ARID1B: variants seen among roughly 807,000 people sequenced by gnomAD.
The protein encoded by ARID1B is AT-rich interaction domain 1B, also known as AT-rich interactive domain-containing protein 1B.
Under a neutral mutation model 212.3 loss-of-function variants are expected in ARID1B, and 30 were observed. That is an observed-to-expected ratio of 0.14 (90% CI 0.11 to 0.19). The LOEUF (loss-of-function observed/expected upper bound fraction) is 0.19. Ranked by LOEUF, ARID1B falls within the 10% of genes least tolerant of loss-of-function variation. The pLI is 1.00. For missense variants in ARID1B, 2,891 were observed against 3,204.0 expected, an observed-to-expected ratio of 0.90 and a Z score of 2.36; for synonymous variants, 1,402 against 1,301.7, an observed-to-expected ratio of 1.08 and a Z score of -1.66.
chr6:156,877,576 C>T (rs1325183541), intron 2 of ARID1B, among the ~76,000 whole-genome samples: 1 of 152,040 alleles, frequency 6.6e-6, no homozygotes, highest in African/African-American at 2.4e-5. Context: ...AACTTGTGAC[C>T]CTCATGAGTA....
intron 5 of ARID1B, among the ~76,000 whole-genome samples, chr6:157,085,599 C>T (rs1046036976): frequency 9.2e-5 from 14 of 152,064 alleles, no homozygotes; most frequent in Admixed American, 5.9e-4. Flanking sequence ...TCAAGTCTAC[C>T]GTACAACTAG....
chr6:156,827,875 C>T (rs1782860808), intron 1 of ARID1B, among the ~76,000 whole-genome samples: 1 of 148,992 alleles, frequency 6.7e-6, no homozygotes, highest in Non-Finnish European at 1.5e-5. Context: ...ATTCTCCTGC[C>T]TCAGCCTCCG....
At chr6:157,095,397 A>G (rs1264986499) in intron 5 of ARID1B, among the ~76,000 whole-genome samples, 1 of 152,254 alleles carries the variant, frequency 6.6e-6, no homozygotes, top group Non-Finnish European at 1.5e-5. Context: ...CAAGGCTGAG[A>G]ATCACTGAGA....
chr6:156,900,382 T>C (rs1788820633), intron 2 of ARID1B, among the ~76,000 whole-genome samples: 1 of 152,248 alleles, frequency 6.6e-6, no homozygotes, highest in African/African-American at 2.4e-5. Flanking sequence ...ATTTCATCTT[T>C]TTCCTCATTC....
intron 6 of ARID1B, among the ~76,000 whole-genome samples, chr6:157,122,687 C>T (rs1787816812): frequency 6.6e-6 from 1 of 152,100 alleles, no homozygotes; most frequent in African/African-American, 2.4e-5. Flanking sequence ...GAACAGTCTT[C>T]TCTTTTTTTT....
intron 1 of ARID1B, among the ~76,000 whole-genome samples, chr6:156,797,149 C>T (rs1780439302): frequency 6.6e-6 from 1 of 152,076 alleles, no homozygotes; most frequent in African/African-American, 2.4e-5. Flanking sequence ...TATTCAGTGC[C>T]TGCTGTGTGG....
rs751104257 is a variant in ARID1B at position 157,203,821 on chromosome 6, C to G, written c.5264-45C>G. On this transcript the variant is annotated intron_variant, in intron 18 of 19. Transcript: ENST00000636930. The surrounding 1 kb of genome is among the most constrained non-coding windows in gnomAD (Gnocchi z 4.4). ...TTTCGTTAACTTTCGTTCTTTCATG[C>G]ATAGAGTCAACATTCATGATATCCT... is the stretch of plus-strand genomic sequence containing the variant. 6 of 1,609,312 alleles carry G rather than the reference C, an allele frequency of 3.7e-6. No individual in the cohort carries two copies. In the African/African-American group the frequency reaches 8.0e-5, roughly 22 times the overall value.
intron 3 of ARID1B, among the ~76,000 whole-genome samples, chr6:156,929,209 C>T (rs752241429): frequency 1.3e-5 from 2 of 152,168 alleles, no homozygotes; most frequent in African/African-American, 4.8e-5. Flanking sequence ...TCCCCTCTTG[C>T]GAATATGAGC....
At chr6:156,990,470 G>C (rs549633098) in intron 4 of ARID1B, among the ~76,000 whole-genome samples, 2 of 152,002 alleles carry the variant, frequency 1.3e-5, no homozygotes, top group South Asian at 2.1e-4. Context: ...GTGAAACCCC[G>C]TCTCTACTAA....
chr6:157,050,202 C>G (rs1782506291), intron 4 of ARID1B, among the ~76,000 whole-genome samples: 1 of 152,144 alleles, frequency 6.6e-6, no homozygotes, highest in African/African-American at 2.4e-5. Context: ...ATGAAACCCC[C>G]TGTACCCAGT....
At chr6:157,012,520 G>A (rs1779676209) in intron 4 of ARID1B, among the ~76,000 whole-genome samples, 1 of 152,206 alleles carries the variant, frequency 6.6e-6, no homozygotes, top group Non-Finnish European at 1.5e-5. Context: ...ACTGGAGGCT[G>A]CCTTTATGCA....
intron 4 of ARID1B, among the ~76,000 whole-genome samples, chr6:157,039,341 T>TTTTTTTTTTTTTA (rs1440507613): frequency 7.2e-6 from 1 of 138,060 alleles, no homozygotes. Context: ...TTTTTTTTTT[T>TTTTTTTTTTTTTA]GAGACGGAGT....
Position 157,206,601 on chromosome 6 carries a change from G to A in ARID1B, c.5829G>A (p.Gln1943=), listed in dbSNP as rs772330993. 6.2e-7 allele frequency: 1 copy of A among 1,614,122 alleles called. No homozygotes were observed. Among genetic ancestry groups the A allele is most frequent in the Non-Finnish European group, 8.5e-7 (1 of 1,180,024 alleles). The change falls in exon 20 of 20, where the codon CAG becomes CAA. Residue 1943 remains glutamine (Q), a synonymous_variant. Transcript: ENST00000636930. The surrounding 1 kb of genome is among the most constrained non-coding windows in gnomAD (Gnocchi z 6.8). ...QEFNSGLLHW[Q]LGGGDTTEHI... is the part of the protein sequence containing the mutation. ...TCAATAGTGGCCTTCTGCACTGGCA[G>A]CTCGGCGGGGGTGACACCACCGAGC...
intron 4 of ARID1B, among the ~76,000 whole-genome samples, chr6:156,957,897 A>G (rs1794086267): frequency 6.6e-6 from 1 of 152,120 alleles, no homozygotes; most frequent in East Asian, 1.9e-4. Context: ...CCCCCAAACA[A>G]CTGGAGTTCT....
chr6:157,015,526 T>C (rs1367430113), intron 4 of ARID1B, among the ~76,000 whole-genome samples: 1 of 152,166 alleles, frequency 6.6e-6, no homozygotes, highest in African/African-American at 2.4e-5. Flanking sequence ...TGGGTGTGAA[T>C]GAGATTGCTC....
At chr6:156,918,923 A>G (rs1432068446) in intron 3 of ARID1B, among the ~76,000 whole-genome samples, 1 of 152,156 alleles carries the variant, frequency 6.6e-6, no homozygotes, top group Non-Finnish European at 1.5e-5. Flanking sequence ...GTATAGTAAA[A>G]GCTCAGCACT....
At chr6:157,115,740 A>G (rs968410765) in intron 6 of ARID1B, among the ~76,000 whole-genome samples, 2 of 152,136 alleles carry the variant, frequency 1.3e-5, no homozygotes, top group African/African-American at 4.8e-5. Context: ...CTTCTTTTTA[A>G]CTAAATAAAG....
At chr6:156,907,576 T>G (rs903464781) in intron 3 of ARID1B, among the ~76,000 whole-genome samples, 1 of 152,056 alleles carries the variant, frequency 6.6e-6, no homozygotes, top group South Asian at 2.1e-4. Context: ...TAATTATCCT[T>G]GTTAGGTTTT....
At chr6:156,891,813 A>G (rs1054233912) in intron 2 of ARID1B, among the ~76,000 whole-genome samples, 4 of 151,794 alleles carry the variant, frequency 2.6e-5, no homozygotes, top group Non-Finnish European at 4.4e-5. Flanking sequence ...TGGAGCAGCA[A>G]TGAACTCCTT....
Sources: allele counts gnomAD v4.1 joint callset (sites outside exome capture counted in the v4.1 genomes callset), GRCh38; gene constraint gnomAD v4.1.1; non-coding constraint Gnocchi (gnomAD v3.1); transcripts MANE v1.5; gene names NCBI Gene and HGNC (gene_info 2026-07-23, HGNC 2026-07-21).